CCDC150: variants seen among roughly 807,000 people sequenced by gnomAD.
CCDC150 encodes the protein coiled-coil domain containing 150, also known as coiled-coil domain-containing protein 150.
CCDC150 carries 151 observed loss-of-function variants against 156.5 expected under a neutral mutation model. That is an observed-to-expected ratio of 0.97 (90% CI 0.85 to 1.10). CCDC150 has a LOEUF of 1.10. CCDC150 is among the 50% of genes least tolerant of loss of function. The pLI, the probability that CCDC150 is intolerant of heterozygous loss-of-function variation, is 0.00. For synonymous variants in CCDC150, 452 were observed against 429.4 expected, an observed-to-expected ratio of 1.05 and a Z score of -0.65; for missense variants, 1,312 against 1,268.1, an observed-to-expected ratio of 1.03 and a Z score of -0.53.
At chr2:196,728,531 T>C (rs534528343) in intron 22 of CCDC150, among the ~76,000 whole-genome samples, 36 of 152,216 alleles carry the variant, frequency 2.4e-4, no homozygotes, top group Non-Finnish European at 3.4e-4. Context: ...GTGAACGCTG[T>C]AAAATTATTT....
chr2:196,707,521 C>T (rs1223481508), intron 15 of CCDC150, among the ~76,000 whole-genome samples: 2 of 152,100 alleles, frequency 1.3e-5, no homozygotes, highest in African/African-American at 2.4e-5. Context: ...CAGTTCTGCT[C>T]TGATCTTAGT....
rs1411152326 is a variant in CCDC150 at position 196,710,109 on chromosome 2, C to A, written c.1696-2036C>A. 5.3e-5 allele frequency among the ~76,000 whole-genome samples: 8 copies of A among 152,330 alleles called. No individual in the cohort carries two copies. The South Asian group carries it at 1.2e-3, about 24-fold the overall frequency. ...CTGCCTTTTGTTCAGCTATGCCCTG[C>A]CCCCAGAGGTGGAGTCTACAGAAGC... On this transcript the variant is annotated intron_variant, in intron 15 of 27. Coordinates refer to ENST00000389175, the MANE Select transcript of CCDC150 (RefSeq NM_001080539.2).
At chr2:196,693,279 A>G (rs1470949753) in intron 13 of CCDC150, among the ~76,000 whole-genome samples, 7 of 152,198 alleles carry the variant, frequency 4.6e-5, no homozygotes, top group Admixed American at 1.3e-4. Flanking sequence ...GTTATGCAAC[A>G]CATGTCGGTA....
At chr2:196,709,402 G>A (rs185562894) in intron 15 of CCDC150, among the ~76,000 whole-genome samples, 7 of 152,156 alleles carry the variant, frequency 4.6e-5, no homozygotes, top group East Asian at 1.9e-4. Context: ...TTAGCCATTC[G>A]TCTAATGTTT....
At position 196,657,145 on chromosome 2, in the gene CCDC150, C is replaced by CT. The variant is rs772224856; in HGVS notation, c.576+10dup. The CT allele has an allele frequency of 3.1e-6, 5 of 1,613,082 alleles. No homozygotes were observed. In the East Asian group the frequency reaches 1.1e-4, roughly 36 times the overall value. On this transcript the variant is annotated intron_variant, in intron 4 of 27. Transcript: ENST00000389175. The stretch of plus-strand genomic sequence containing the variant: ...TTGCCTCGCAGACAAAGGTTTGAGT[C>CT]TAAGAGTTCTGAAGTATAAACACAC...
Position 196,658,808 on chromosome 2 carries a change from T to C in CCDC150, c.593T>C (p.Ile198Thr). The C allele has an allele frequency of 6.2e-7, 1 of 1,604,396 alleles. No individual in the cohort carries two copies. Among genetic ancestry groups the C allele is most frequent in the South Asian group, 1.1e-5 (1 of 88,908 alleles). ...ASQTKKNAAI[I>T]EEELKTTKRK... ...TACTTTTAGAAGAATGCAGCCATTA[T>C]TGAAGAGGAACTGAAGACCACAAAA... is the stretch of plus-strand genomic sequence containing the variant. Residue 198 changes from isoleucine (I) to threonine (T), a missense_variant, in exon 5 of 28, where the codon ATT becomes ACT. Physicochemically the swap from Ile to Thr is moderately conservative, Grantham distance 89. Transcript: ENST00000389175.
intron 2 of CCDC150, among the ~76,000 whole-genome samples, chr2:196,653,863 A>G (rs776895473): frequency 6.6e-6 from 1 of 152,168 alleles, no homozygotes; most frequent in East Asian, 1.9e-4. Flanking sequence ...AAAGACAAAT[A>G]TTTGGCTCAT....
rs140206309 is a variant in CCDC150, at chr2:196,641,371, C to T, written c.12+1593C>T. ...GCCAAACCCACCTCTTTATTATGTG[C>T]GGACTCATCAGACCTTCTAACTTCA... is the stretch of plus-strand genomic sequence containing the variant. On this transcript the variant is annotated intron_variant, in intron 1 of 27. Coordinates refer to ENST00000389175, the MANE Select transcript of CCDC150 (RefSeq NM_001080539.2). Among the ~76,000 whole-genome samples, 1,399 of 152,204 alleles carry T rather than the reference C, an allele frequency of 9.2e-3. 6 individuals are homozygous for T. The highest frequency in any genetic ancestry group is 0.014 in the Non-Finnish European group (951 of 68,002).
In CCDC150 at chr2:196,665,662, A is replaced by C. The variant is rs760153085; in HGVS notation, c.741A>C (p.Thr247=). 6.3e-7 allele frequency: 1 copy of C among 1,596,562 alleles called. No homozygotes were observed. ...TCAAAATACAAGAAATGGGATCAAC[A>C]GTGGAGGTAGAACGAAAACAGGTAG... ...MLLKIQEMGS[T]VEVERKQVHI... Residue 247 remains threonine, a synonymous_variant, in exon 6 of 28, where the codon ACA becomes ACC. Coordinates refer to ENST00000389175, the MANE Select transcript of CCDC150 (RefSeq NM_001080539.2).
intron 12 of CCDC150, 102 bp downstream of exon 12, chr2:196,676,833 G>A (rs1215303506): frequency 4.5e-6 from 5 of 1,101,206 alleles, no homozygotes; most frequent in Non-Finnish European, 6.6e-6. Context: ...AAACCCAGAT[G>A]CAGTTTGTCT....
In CCDC150 at chr2:196,657,111, C is replaced by T; in HGVS notation, c.551C>T (p.Thr184Ile). 6.2e-7 allele frequency: 1 copy of T among 1,613,770 alleles called. No individual in the cohort carries two copies. Among genetic ancestry groups the T allele is most frequent in the Non-Finnish European group, 8.5e-7 (1 of 1,179,718 alleles). ...GATGAGGTGCAAAGGTTGACTGCCA[C>T]TCTGAAGATTGCCTCGCAGACAAAG... is the stretch of plus-strand genomic sequence containing the variant. Reference protein sequence around the residue: ...AQDEVQRLTATLKIASQTKKN... With the variant: ...AQDEVQRLTAILKIASQTKKN... The change falls in exon 4 of 28, where the codon ACT becomes ATT. Residue 184 changes from threonine (T) to isoleucine (I), a missense_variant. Physicochemically the swap from Thr to Ile is moderately conservative, Grantham distance 89. Coordinates refer to ENST00000389175, the MANE Select transcript of CCDC150 (RefSeq NM_001080539.2).
chr2:196,650,028 C>T (rs1486729082), intron 2 of CCDC150, among the ~76,000 whole-genome samples: 1 of 152,130 alleles, frequency 6.6e-6, no homozygotes, highest in Non-Finnish European at 1.5e-5. Context: ...GGACTTACAA[C>T]AGTACATTGA....
At chr2:196,681,167 A>T (rs749907000) in intron 13 of CCDC150, among the ~76,000 whole-genome samples, 28 of 152,156 alleles carry the variant, frequency 1.8e-4, no homozygotes, top group Non-Finnish European at 3.4e-4. Flanking sequence ...GTCTCTATGG[A>T]TTTACCTATT....
intron 1 of CCDC150, among the ~76,000 whole-genome samples, chr2:196,644,660 G>GA (rs1692428728): frequency 6.6e-6 from 1 of 151,834 alleles, no homozygotes; most frequent in Non-Finnish European, 1.5e-5. Flanking sequence ...GGAATGAACT[G>GA]AAAAAAATGA....
chr2:196,715,430 G>A (rs1337061431), intron 17 of CCDC150, among the ~76,000 whole-genome samples: 1 of 152,154 alleles, frequency 6.6e-6, no homozygotes, highest in East Asian at 1.9e-4. Context: ...GTATTCACTT[G>A]TATAAGCATA....
chr2:196,725,908 C>G (rs1272315811), intron 21 of CCDC150, 65 bp from the exon 22 acceptor site: 1 of 1,495,354 alleles, frequency 6.7e-7, no homozygotes, highest in Non-Finnish European at 9.0e-7. Context: ...CACTCCCCTC[C>G]AAAACTTTCT....
intron 5 of CCDC150, among the ~76,000 whole-genome samples, chr2:196,663,279 C>T (rs1458672522): frequency 1.3e-5 from 2 of 151,618 alleles, no homozygotes; most frequent in Non-Finnish European, 2.9e-5. Flanking sequence ...TAAAAGTGCC[C>T]AAAAAACAAT....
chr2:196,680,755 G>A (rs1575821529), intron 13 of CCDC150, among the ~76,000 whole-genome samples: 1 of 152,138 alleles, frequency 6.6e-6, no homozygotes, highest in Non-Finnish European at 1.5e-5. Context: ...GAACTACTGG[G>A]TCATGTGATT....
chr2:196,730,825 G>T lies in CCDC150; in HGVS notation c.2983-34G>T, dbSNP rs758387325. On this transcript the variant is annotated intron_variant, in intron 25 of 27. Transcript: ENST00000389175. The stretch of plus-strand genomic sequence containing the variant: ...GCATTTGGTTTCTTATGGTATGTTG[G>T]AAGTTTATAAAAATCTTTGTATCAC... The T allele has an allele frequency of 3.3e-6, 5 of 1,494,218 alleles. No homozygotes were observed. In the South Asian group the frequency reaches 4.9e-5, roughly 15 times the overall value. The allele number at this position is 1,494,218 out of a possible 1,614,324, so 92.6% of individuals were successfully genotyped here.
Sources: gnomAD v4.1 joint callset for allele counts (sites outside exome capture counted in the v4.1 genomes callset) on GRCh38, gnomAD v4.1.1 for gene constraint, MANE v1.5 for transcripts, NCBI Gene and HGNC (gene_info 2026-07-23, HGNC 2026-07-21) for gene names.